The following PCSK6 variants were observed in gnomAD, a reference collection of about 807,000 sequenced individuals.
PCSK6 encodes the protein proprotein convertase subtilisin/kexin type 6.
In PCSK6, 85 loss-of-function variants were observed where a neutral mutation model predicts 123.3. That is an observed-to-expected ratio of 0.69 (90% CI 0.58 to 0.83). PCSK6 has a LOEUF of 0.83. Among genes scored for constraint, PCSK6 ranks in the 40% least tolerant of loss-of-function variants. The probability of loss-of-function intolerance (pLI) is 0.00; values close to 1 mark genes in which losing one functional copy is unlikely to be tolerated. For synonymous variants in PCSK6, 508 were observed against 516.0 expected, an observed-to-expected ratio of 0.98 and a Z score of 0.21; for missense variants, 1,191 against 1,282.3, an observed-to-expected ratio of 0.93 and a Z score of 1.09.
intron 1 of PCSK6, among the ~76,000 whole-genome samples, chr15:101,477,804 A>G (rs2057770118): frequency 6.6e-6 from 1 of 152,210 alleles, no homozygotes; most frequent in African/African-American, 2.4e-5. Context: ...GCAGGCAGGA[A>G]ACACAGGGTT....
intron 6 of PCSK6, among the ~76,000 whole-genome samples, chr15:101,422,038 G>A (rs2056099737): frequency 6.6e-6 from 1 of 152,180 alleles, no homozygotes; most frequent in Admixed American, 6.5e-5. Context: ...TAGGCAGGGG[G>A]TTCAATTCTT....
At chr15:101,350,815 C>T (rs1320882360) in intron 13 of PCSK6, among the ~76,000 whole-genome samples, 1 of 152,234 alleles carries the variant, frequency 6.6e-6, no homozygotes, top group African/African-American at 2.4e-5. Flanking sequence ...AGAAAGACAA[C>T]CCTCTACCCG....
chr15:101,311,539 A>C lies in PCSK6; in HGVS notation c.2699+1837T>G, dbSNP rs112820265. On this transcript the variant is annotated intron_variant, in intron 20 of 21. Coordinates refer to ENST00000611716, the MANE Select transcript of PCSK6 (RefSeq NM_002570.5). ...TGGCGCCATGTTTCCTATGAAGCCT[A>C]CAGAACTGTGAGCCAATTCAACCTC... 3.6e-3 allele frequency among the ~76,000 whole-genome samples: 553 copies of C among 152,166 alleles called. 5 individuals are homozygous for C. The highest frequency in any genetic ancestry group is 0.013 in the African/African-American group (528 of 41,484).
At chr15:101,368,678 G>A (rs779219678) in intron 12 of PCSK6, among the ~76,000 whole-genome samples, 6 of 152,166 alleles carry the variant, frequency 3.9e-5, no homozygotes, top group East Asian at 1.9e-4. Flanking sequence ...GCCACTAGGT[G>A]TGCGGCTGGA....
intron 2 of PCSK6, among the ~76,000 whole-genome samples, chr15:101,440,946 G>A (rs573551882): frequency 7.2e-5 from 11 of 152,126 alleles, no homozygotes; most frequent in Non-Finnish European, 1.5e-4. Context: ...ATTCATAATC[G>A]GTTCAGATGT....
chr15:101,370,703 C>T lies in PCSK6; in HGVS notation c.1533-180G>A, dbSNP rs150464940. Among the ~76,000 whole-genome samples, 955 of 152,402 alleles carry T rather than the reference C, an allele frequency of 6.3e-3. 15 individuals carry two copies. Among genetic ancestry groups the T allele is most frequent in the African/African-American group, 0.021 (889 of 41,596 alleles). On this transcript the variant is annotated intron_variant, in intron 11 of 21. Coordinates refer to ENST00000611716, the MANE Select transcript of PCSK6 (RefSeq NM_002570.5). ...GGATGCTCCACTGTGAACTTTATCA[C>T]CTGTCCTGAAGACGTTTATGCCTCT...
intron 6 of PCSK6, among the ~76,000 whole-genome samples, chr15:101,416,327 T>C (rs1198236426): frequency 6.6e-6 from 1 of 152,168 alleles, no homozygotes; most frequent in Non-Finnish European, 1.5e-5. Context: ...GAAAGATGAT[T>C]TAGAGTATCT....
intron 13 of PCSK6, among the ~76,000 whole-genome samples, chr15:101,355,452 G>A (rs2041009522): frequency 6.6e-6 from 1 of 152,246 alleles, no homozygotes; most frequent in African/African-American, 2.4e-5. Context: ...GGTTACAAAG[G>A]GAGGGCTAGG....
chr15:101,434,386 C>G (rs116931507), intron 2 of PCSK6, among the ~76,000 whole-genome samples: 2 of 152,242 alleles, frequency 1.3e-5, no homozygotes, highest in African/African-American at 4.8e-5. Flanking sequence ...AGGAGGCACA[C>G]TCTGCCCTTC....
intron 15 of PCSK6, among the ~76,000 whole-genome samples, chr15:101,329,171 A>C (rs1212394863): frequency 6.6e-6 from 1 of 152,198 alleles, no homozygotes. Flanking sequence ...GCTTAAACTG[A>C]CACGGGTTTA....
At chr15:101,333,757 C>T (rs927217116) in intron 13 of PCSK6, among the ~76,000 whole-genome samples, 2 of 146,812 alleles carry the variant, frequency 1.4e-5, no homozygotes, top group Admixed American at 1.4e-4. Context: ...CATCCTCATA[C>T]CATAAGCCCA....
At chr15:101,396,812 C>T (rs2042426067) in intron 7 of PCSK6, among the ~76,000 whole-genome samples, 1 of 152,040 alleles carries the variant, frequency 6.6e-6, no homozygotes, top group African/African-American at 2.4e-5. Context: ...CCCGCAAGAC[C>T]CCATGCTGTG....
At chr15:101,366,374 C>G in intron 12 of PCSK6, 42 bp from the exon 13 acceptor site, 2 of 1,585,862 alleles carry the variant, frequency 1.3e-6, no homozygotes, top group Non-Finnish European at 1.7e-6. Context: ...GGTGCTGGTA[C>G]TGAGTGGCTG....
Position 101,446,135 on chromosome 15 carries a change from G to A in PCSK6, c.298-2475C>T, listed in dbSNP as rs142334782. The stretch of plus-strand genomic sequence containing the variant: ...TCCATCTGTTTGGACACTTATGTCC[G>A]GCCTAGCATGAGAGCTGGGGGGCCG... On this transcript the variant is annotated intron_variant, in intron 1 of 21. Transcript: ENST00000611716. 5.5e-4 allele frequency among the ~76,000 whole-genome samples: 84 copies of A among 152,368 alleles called. No homozygotes were observed. In the East Asian group the frequency reaches 0.013, roughly 24 times the overall value.
intron 1 of PCSK6, among the ~76,000 whole-genome samples, chr15:101,479,485 T>G (rs1010314978): frequency 1.3e-5 from 2 of 151,660 alleles, no homozygotes; most frequent in Admixed American, 6.6e-5. Context: ...TCACCACCAG[T>G]GAGAGTATGA....
intron 6 of PCSK6, among the ~76,000 whole-genome samples, chr15:101,399,326 T>A (rs1450260073): frequency 6.6e-6 from 1 of 152,214 alleles, no homozygotes; most frequent in Non-Finnish European, 1.5e-5. Context: ...AACCAAATGA[T>A]GAGCTTTCAA....
intron 11 of PCSK6, among the ~76,000 whole-genome samples, chr15:101,374,655 C>T (rs1035678174): frequency 1.3e-5 from 2 of 152,186 alleles, no homozygotes; most frequent in South Asian, 2.1e-4. Flanking sequence ...AACTGAGGCC[C>T]ATTACAGCAG....
intron 15 of PCSK6, among the ~76,000 whole-genome samples, chr15:101,331,303 T>C (rs1375251047): frequency 6.6e-6 from 1 of 152,250 alleles, no homozygotes; most frequent in Non-Finnish European, 1.5e-5. Flanking sequence ...AGCATCAGTA[T>C]CTGCTGACAT....
chr15:101,397,980 T>C (rs557430684), intron 7 of PCSK6, among the ~76,000 whole-genome samples: 2 of 152,328 alleles, frequency 1.3e-5, no homozygotes, highest in South Asian at 2.1e-4. Flanking sequence ...GGTGAGCACA[T>C]ACCCCGCGAT....
Sources: gnomAD v4.1 joint callset for allele counts (sites outside exome capture counted in the v4.1 genomes callset) on GRCh38, gnomAD v4.1.1 for gene constraint, MANE v1.5 for transcripts, NCBI Gene and HGNC (gene_info 2026-07-23, HGNC 2026-07-21) for gene names.